NDUFA7: variants seen among roughly 807,000 people sequenced by gnomAD.
NDUFA7 encodes NADH:ubiquinone oxidoreductase subunit A7.
NDUFA7 carries 18 observed loss-of-function variants against 14.2 expected under a neutral mutation model. The observed-to-expected ratio is 1.27, with a 90% CI of 0.88 to 1.88. NDUFA7 has a LOEUF of 1.88. Ranked by LOEUF, NDUFA7 falls within the 40% of genes most tolerant of loss-of-function variation. NDUFA7 has a pLI of 0.00. For missense variants in NDUFA7, 172 were observed against 147.3 expected (o/e 1.17, Z -0.87); for synonymous variants, 75 against 62.1 (o/e 1.21, Z -0.98).
chr19:8,316,500 C>T lies in NDUFA7; in HGVS notation c.247G>A (p.Glu83Lys), dbSNP rs372389586. ...AGCAGCGCTGGAGATCCTCACCTCTCTGCTGGCTTGCCTGACACCAGCGCC... is the reference window on the plus strand; with the variant it reads ...AGCAGCGCTGGAGATCCTCACCTCTTTGCTGGCTTGCCTGACACCAGCGCC... ...QKALVSGKPA[E>K]SSAVAATEKK... is the part of the protein sequence containing the mutation. Residue 83 changes from glutamate to lysine, a missense_variant, in exon 3 of 4, where the codon GAG becomes AAG. By Grantham distance (56) the Glu-to-Lys change is moderately conservative (BLOSUM62 1). Transcript: ENST00000301457. 6.8e-6 allele frequency: 11 copies of T among 1,613,754 alleles called. No homozygotes were observed. The highest frequency in any genetic ancestry group is 8.5e-6 in the Non-Finnish European group (10 of 1,179,908).
In NDUFA7 at chr19:8,316,685, T is replaced by TCACTGTCATGGCCCCGCTGTGGGC. The variant is rs762268210; in HGVS notation, c.102-64_102-41dup. 84 of 1,607,626 alleles carry TCACTGTCATGGCCCCGCTGTGGGC rather than the reference T, an allele frequency of 5.2e-5. No individual in the cohort carries two copies. The African/African-American group carries it at 8.0e-4, about 15-fold the overall frequency. ...GATGAGCACTGAAGCAAAGAGACAG[T>TCACTGTCATGGCCCCGCTGTGGGC]CACTGTCATGGCCCCGCTGTGGGCC... is the stretch of plus-strand genomic sequence containing the variant. On this transcript the variant is annotated intron_variant, in intron 2 of 3. Coordinates refer to ENST00000301457, the MANE Select transcript of NDUFA7 (RefSeq NM_005001.5).
At chr19:8,310,695 C>T (rs554120402), downstream of NDUFA7, 3 of 152,390 alleles carry the variant, frequency 2.0e-5, no homozygotes, top group African/African-American at 7.2e-5. Flanking sequence ...AGTTGGGAGA[C>T]TCAGCACTGA....
Position 8,311,501 on chromosome 19 carries a change from A to C in NDUFA7, c.*4T>G. 1 of 1,600,318 alleles carries C rather than the reference A, an allele frequency of 6.2e-7. No homozygotes were observed. Among genetic ancestry groups the C allele is most frequent in the Admixed American group, 1.7e-5 (1 of 58,004 alleles). On this transcript the variant is annotated 3_prime_UTR_variant, in exon 4 of 4. Transcript: ENST00000301457. ...AGTAGTCGGGTGGCCGTGAGGGTGC[A>C]GTGTCACAGGTAAGGCTGGTCCGAG...
intron 2 of NDUFA7, 61 bp from the exon 3 acceptor site, chr19:8,316,706 G>T: frequency 6.3e-7 from 1 of 1,579,138 alleles, no homozygotes; most frequent in Non-Finnish European, 8.7e-7. Context: ...GCCCCGCTGT[G>T]GGCCCCTGTC....
downstream of NDUFA7, among the ~76,000 whole-genome samples, chr19:8,309,888 G>C (rs570538341): frequency 2.6e-5 from 4 of 152,278 alleles, no homozygotes; most frequent in East Asian, 5.8e-4. Flanking sequence ...GCAGATTTCT[G>C]TCTCCTCCCC....
At chr19:8,321,220 G>T in intron 1 of NDUFA7, 88 bp downstream of exon 1, 1 of 1,401,848 alleles carries the variant, frequency 7.1e-7, no homozygotes. Flanking sequence ...AAGGGTCCCG[G>T]CTTAGGAGGG....
Position 8,320,846 on chromosome 19 carries a change from G to A in NDUFA7, c.101+11C>T, listed in dbSNP as rs751251250. The A allele has an allele frequency of 3.7e-6, 6 of 1,613,730 alleles. No homozygotes were observed. Among genetic ancestry groups the A allele is most frequent in the South Asian group, 1.1e-5 (1 of 91,082 alleles). On this transcript the variant is annotated intron_variant, in intron 2 of 3. Coordinates refer to ENST00000301457, the MANE Select transcript of NDUFA7 (RefSeq NM_005001.5). ...GAGCCAGAGGCTGGGCAGCGAGCGG[G>A]GCCTGCTCACCGCTTGGAGATCTCC...
intron 3 of NDUFA7, among the ~76,000 whole-genome samples, chr19:8,313,482 G>A (rs1306301227): frequency 2.0e-5 from 3 of 152,024 alleles, no homozygotes; most frequent in East Asian, 3.9e-4. Context: ...CGCCCTCCCC[G>A]GCCTCCCAAA....
chr19:8,320,858 G>T lies in NDUFA7; in HGVS notation c.100C>A (p.Arg34=). Residue 34 remains arginine, a splice_region_variant and synonymous_variant, in exon 2 of 4, where the codon CGA becomes AGA. Coordinates refer to ENST00000301457, the MANE Select transcript of NDUFA7 (RefSeq NM_005001.5). ...GGGCAGCGAGCGGGGCCTGCTCACC[G>T]CTTGGAGATCTCCTGGTAGCGTAGC... ...LQLRYQEISK[R]TQPPPKLPVG... 6.2e-7 allele frequency: 1 copy of T among 1,613,714 alleles called. No individual in the cohort carries two copies. The highest frequency in any genetic ancestry group is 8.5e-7 in the Non-Finnish European group (1 of 1,179,998).
At chr19:8,318,262 T>C (rs186824756) in intron 2 of NDUFA7, among the ~76,000 whole-genome samples, 42 of 152,082 alleles carry the variant, frequency 2.8e-4, no homozygotes, top group Middle Eastern at 3.4e-3. Flanking sequence ...GCGATTTTCC[T>C]GCATCAGCCT....
chr19:8,314,465 G>C (rs1271816267), intron 3 of NDUFA7, among the ~76,000 whole-genome samples: 1 of 151,370 alleles, frequency 6.6e-6, no homozygotes, highest in Non-Finnish European at 1.5e-5. Context: ...CCTCCCCTGG[G>C]TTGGACTAAA....
chr19:8,316,246 G>C (rs1970232282), intron 3 of NDUFA7, among the ~76,000 whole-genome samples: 1 of 151,828 alleles, frequency 6.6e-6, no homozygotes. Context: ...GATCACTTCA[G>C]CCTAGGCGTT....
chr19:8,316,834 C>T lies in NDUFA7; in HGVS notation c.102-189G>A, dbSNP rs115023062. 3,133 of 631,816 alleles carry T rather than the reference C, an allele frequency of 5.0e-3. 80 individuals are homozygous for T. In the African/African-American group the frequency reaches 0.054, roughly 11 times the overall value. The allele number at this position is 631,816 out of a possible 1,614,324, so 39.1% of individuals were successfully genotyped here. A position where few individuals can be genotyped will look rare whatever the true frequency, so the allele number is the denominator to read the frequency against. On this transcript the variant is annotated intron_variant, in intron 2 of 3. Transcript: ENST00000301457. ...TGGGGAGGGGTCCTGGGGCCAGAAG[C>T]AGATGGTGGACCCTGCTCTGGATGT...
chr19:8,309,335 G>A (rs1970147025), downstream of NDUFA7, among the ~76,000 whole-genome samples: 1 of 152,020 alleles, frequency 6.6e-6, no homozygotes, highest in African/African-American at 2.4e-5. Context: ...TTAGCCGGGT[G>A]TGGTAACATG....
chr19:8,314,626 C>G (rs1476733631), intron 3 of NDUFA7, among the ~76,000 whole-genome samples: 2 of 151,350 alleles, frequency 1.3e-5, no homozygotes, highest in Non-Finnish European at 3.0e-5. Flanking sequence ...ATTAACCCAG[C>G]ATGGAGGCCG....
In NDUFA7 at chr19:8,311,487, G is replaced by A; in HGVS notation, c.*18C>T. 2 of 1,579,980 alleles carry A rather than the reference G, an allele frequency of 1.3e-6. No individual in the cohort carries two copies. Among genetic ancestry groups the A allele is most frequent in the Non-Finnish European group, 1.7e-6 (2 of 1,159,470 alleles). The stretch of plus-strand genomic sequence containing the variant: ...ATCCAAGGAGGCAAAGTAGTCGGGT[G>A]GCCGTGAGGGTGCAGTGTCACAGGT... On this transcript the variant is annotated 3_prime_UTR_variant, in exon 4 of 4. Transcript: ENST00000301457.
chr19:8,312,987 G>A (rs1269632724), intron 3 of NDUFA7, among the ~76,000 whole-genome samples: 1 of 152,146 alleles, frequency 6.6e-6, no homozygotes, highest in East Asian at 1.9e-4. Flanking sequence ...AGTAGAGGCA[G>A]GGTTTCGCCC....
chr19:8,311,689 A>C, intron 3 of NDUFA7, 94 bp from the exon 4 acceptor site: 1 of 1,049,094 alleles, frequency 9.5e-7, no homozygotes, highest in Non-Finnish European at 1.4e-6. Flanking sequence ...ACACACCCAC[A>C]GGGACTTTCT....
intron 3 of NDUFA7, among the ~76,000 whole-genome samples, 157 bp downstream of exon 3, chr19:8,316,339 T>C (rs1468061806): frequency 2.0e-5 from 3 of 151,930 alleles, no homozygotes; most frequent in Non-Finnish European, 4.4e-5. Flanking sequence ...AACGAGTAAA[T>C]GAGCTCTCGG....
Sources: gnomAD v4.1 joint callset for allele counts (sites outside exome capture counted in the v4.1 genomes callset) on GRCh38, gnomAD v4.1.1 for gene constraint, MANE v1.5 for transcripts, NCBI Gene and HGNC (gene_info 2026-07-23, HGNC 2026-07-21) for gene names.